Variants in SLC35F4 observed in about 807,000 individuals in gnomAD.
The protein encoded by SLC35F4 is solute carrier family 35 member F4.
SLC35F4 carries 24 observed loss-of-function variants against 44.2 expected under a neutral mutation model. The observed-to-expected ratio is 0.54, with a 90% CI of 0.39 to 0.76. The LOEUF (loss-of-function observed/expected upper bound fraction) is 0.76. SLC35F4 is among the 30% of genes least tolerant of loss of function. SLC35F4 has a pLI of 0.00. For synonymous variants in SLC35F4, 238 were observed against 223.6 expected, an observed-to-expected ratio of 1.06 and a Z score of -0.57; for missense variants, 562 against 586.1, an observed-to-expected ratio of 0.96 and a Z score of 0.42.
intron 1 of SLC35F4, among the ~76,000 whole-genome samples, chr14:57,677,800 A>T (rs1324005271): frequency 2.1e-5 from 3 of 141,024 alleles, no homozygotes; most frequent in Non-Finnish European, 1.6e-5. Flanking sequence ...AGTTCTCAGA[A>T]ATAAAAAAAA....
At position 57,761,249 on chromosome 14, in the gene SLC35F4, C is replaced by T. The variant is rs139767592; in HGVS notation, c.103+104474G>A. Among the ~76,000 whole-genome samples, 8 of 152,260 alleles carry T rather than the reference C, an allele frequency of 5.3e-5. No homozygotes were observed. In the East Asian group the frequency reaches 1.5e-3, roughly 29 times the overall value. On this transcript the variant is annotated intron_variant, in intron 1 of 7. Transcript: ENST00000556826. ...TAGGTAGAAGGATAAAGCTGGTCTC[C>T]ATGACCTCATCTTGGTCAGAAGCAG...
At chr14:57,878,474 CTG>C (rs1414236523) in intron 1 of SLC35F4, among the ~76,000 whole-genome samples, 1 of 152,172 alleles carries the variant, frequency 6.6e-6, no homozygotes, top group Non-Finnish European at 1.5e-5. Context: ...AACCTCAACT[CTG>C]TGACTACTCC....
chr14:57,698,860 A>G (rs558059392), intron 1 of SLC35F4, among the ~76,000 whole-genome samples: 2 of 152,246 alleles, frequency 1.3e-5, no homozygotes, highest in Admixed American at 1.3e-4. Flanking sequence ...TCCTGACCTC[A>G]GGAGATCCAC....
chr14:57,793,256 T>A lies in SLC35F4; in HGVS notation c.103+72467A>T, dbSNP rs528079050. On this transcript the variant is annotated intron_variant, in intron 1 of 7. Coordinates refer to ENST00000556826, the MANE Select transcript of SLC35F4 (RefSeq NM_001306087.2). Reference sequence around the variant, plus strand: ...TCATTTTTTAAAAACTTTTATTTTTTTTTTTTCAATTGCTTTAGGGGTACA... The same window carrying A: ...TCATTTTTTAAAAACTTTTATTTTTATTTTTTCAATTGCTTTAGGGGTACA... Among the ~76,000 whole-genome samples the A allele has an allele frequency of 5.1e-4, 77 of 152,234 alleles. 1 individual carries two copies. In the South Asian group the frequency reaches 6.6e-3, roughly 13 times the overall value.
chr14:57,858,859 T>G (rs12436272), intron 1 of SLC35F4, among the ~76,000 whole-genome samples: 1 of 150,138 alleles, frequency 6.7e-6, no homozygotes, highest in Non-Finnish European at 1.5e-5. Flanking sequence ...TTTAGGAGGC[T>G]GAGGTGGGAG....
chr14:57,952,327 GA>G (rs973954826), intron 1 of SLC35F4, among the ~76,000 whole-genome samples: 1 of 152,002 alleles, frequency 6.6e-6, no homozygotes, highest in Admixed American at 6.5e-5. Context: ...CACGAAGATG[GA>G]AAAAAACAGC....
At chr14:57,647,656 G>A (rs1045732511) in intron 1 of SLC35F4, among the ~76,000 whole-genome samples, 5 of 152,054 alleles carry the variant, frequency 3.3e-5, no homozygotes, top group African/African-American at 7.2e-5. Flanking sequence ...AATATTCTTC[G>A]CATGACCAAA....
chr14:57,813,718 G>A (rs1882241429), intron 1 of SLC35F4, among the ~76,000 whole-genome samples: 1 of 152,140 alleles, frequency 6.6e-6, no homozygotes, highest in African/African-American at 2.4e-5. Flanking sequence ...CCAACAAGTT[G>A]CACAGCATCA....
chr14:57,959,232 C>T (rs1032429137), intron 1 of SLC35F4, among the ~76,000 whole-genome samples: 4 of 152,146 alleles, frequency 2.6e-5, no homozygotes, highest in African/African-American at 7.2e-5. Context: ...GGTTTTTTAA[C>T]TTTAAGAATA....
chr14:57,978,237 T>C (rs1881274408), intron 1 of SLC35F4, among the ~76,000 whole-genome samples: 1 of 152,150 alleles, frequency 6.6e-6, no homozygotes, highest in South Asian at 2.1e-4. Flanking sequence ...CACAGGGTCC[T>C]CTATAGAGCA....
At chr14:57,952,393 A>C (rs1566512410) in intron 1 of SLC35F4, among the ~76,000 whole-genome samples, 1 of 152,288 alleles carries the variant, frequency 6.6e-6, no homozygotes, top group East Asian at 1.9e-4. Context: ...CCAAAGGATC[A>C]CAACTTCTCA....
intron 1 of SLC35F4, among the ~76,000 whole-genome samples, chr14:57,748,300 T>C (rs1020130848): frequency 2.6e-5 from 4 of 152,138 alleles, no homozygotes; most frequent in African/African-American, 9.7e-5. Context: ...ATGGTGTGTA[T>C]GTATGTGTGT....
chr14:57,616,327 A>C (rs2071822908), intron 1 of SLC35F4, among the ~76,000 whole-genome samples: 1 of 152,206 alleles, frequency 6.6e-6, no homozygotes, highest in Non-Finnish European at 1.5e-5. Context: ...TATGAAGGGG[A>C]AATTGACCCT....
intron 1 of SLC35F4, among the ~76,000 whole-genome samples, chr14:57,756,794 GCAGGCATGCACCA>G (rs956982934): frequency 2.0e-5 from 3 of 151,468 alleles, no homozygotes; most frequent in African/African-American, 7.3e-5. Flanking sequence ...AGTTGGGACC[GCAGGCATGCACCA>G]CCAAATCTGC....
chr14:57,937,495 G>A (rs1264137791), intron 1 of SLC35F4, among the ~76,000 whole-genome samples: 1 of 150,596 alleles, frequency 6.6e-6, no homozygotes, highest in African/African-American at 2.4e-5. Context: ...ATAATAATAG[G>A]TTATCATAAT....
intron 1 of SLC35F4, among the ~76,000 whole-genome samples, chr14:57,744,559 G>A (rs144881625): frequency 1.2e-4 from 19 of 152,174 alleles, no homozygotes; most frequent in African/African-American, 3.9e-4. Context: ...ACAAACCACT[G>A]CTCAATGAAA....
intron 1 of SLC35F4, among the ~76,000 whole-genome samples, chr14:57,981,361 G>C (rs1238821675): frequency 6.6e-6 from 1 of 152,082 alleles, no homozygotes; most frequent in Non-Finnish European, 1.5e-5. Flanking sequence ...GTGGGAAATG[G>C]GTGCTTGGGT....
chr14:57,877,704 G>A (rs1329975361), intron 1 of SLC35F4, among the ~76,000 whole-genome samples: 2 of 8,898 alleles, frequency 2.2e-4, no homozygotes, highest in African/African-American at 3.4e-4. Context: ...TTTTTTTTTT[G>A]AGATGGAGTC....
chr14:57,837,185 A>T (rs1223050754), intron 1 of SLC35F4, among the ~76,000 whole-genome samples: 2 of 152,242 alleles, frequency 1.3e-5, no homozygotes. Context: ...AAATTATTTA[A>T]CACCATGTCT....
Sources: gnomAD v4.1 joint callset for allele counts (sites outside exome capture counted in the v4.1 genomes callset) on GRCh38, gnomAD v4.1.1 for gene constraint, MANE v1.5 for transcripts, NCBI Gene and HGNC (gene_info 2026-07-23, HGNC 2026-07-21) for gene names.